Variants in TYSND1 observed in about 807,000 individuals in gnomAD.
TYSND1 encodes the protein peroxisomal leader peptide-processing protease.
Under a neutral mutation model 37.2 loss-of-function variants are expected in TYSND1, and 30 were observed. The ratio of observed to expected loss-of-function variants is 0.81; its 90% CI spans 0.60 to 1.09. The LOEUF (loss-of-function observed/expected upper bound fraction) is 1.09. Ranked by LOEUF, TYSND1 falls within the 50% of genes least tolerant of loss-of-function variation. The pLI is 0.00. For synonymous variants in TYSND1, 364 were observed against 383.8 expected, an observed-to-expected ratio of 0.95 and a Z score of 0.60; for missense variants, 806 against 817.4, an observed-to-expected ratio of 0.99 and a Z score of 0.17.
intron 3 of TYSND1, 31 bp from the exon 4 acceptor site, chr10:70,140,172 G>A (rs78543871): frequency 0.021 from 32,694 of 1,553,688 alleles, 738 homozygotes; most frequent in East Asian, 0.12. Flanking sequence ...AAAAGAGGAT[G>A]TGAGCCAGGG....
rs1839240187 is a variant in TYSND1, at chr10:70,146,574, A to G, written c.13T>C (p.Trp5Arg). The G allele has an allele frequency of 6.4e-7, 1 of 1,564,372 alleles. No individual in the cohort carries two copies. Among genetic ancestry groups the G allele is most frequent in the African/African-American group, 1.4e-5 (1 of 72,506 alleles). ...TCGGCCGCCCTCATGGCAGACCCCC[A>G]CTGCCTTCTCATGGCCTCTAGGCCG... Reference protein sequence around the residue: MRRQWGSAMRAAEQA... With the variant: MRRQRGSAMRAAEQA... The change falls in exon 1 of 4, where the codon TGG becomes CGG. Residue 5 changes from tryptophan to arginine, a missense_variant. This residue lies in a region of TYSND1 where 84 missense variants were observed against 79.0 expected (regional missense o/e 1.06). Transcript: ENST00000287078.
chr10:70,146,013 G>C lies in TYSND1; in HGVS notation c.574C>G (p.Leu192Val). 6.3e-7 allele frequency: 1 copy of C among 1,596,498 alleles called. No individual in the cohort carries two copies. The highest frequency in any genetic ancestry group is 1.1e-5 in the South Asian group (1 of 88,140). ...TCCTCCTCCACCTCCTCCTGGCCTAGCCGCACGCCCAGCAGCGCAAACCAG... is the reference window on the plus strand; with the variant it reads ...TCCTCCTCCACCTCCTCCTGGCCTACCCGCACGCCCAGCAGCGCAAACCAG... ...LGWFALLGVR[L>V]GQEEVEEERG... The change falls in exon 1 of 4, where the codon CTA (leucine) becomes GTA (valine). Residue 192 changes from leucine to valine, a missense_variant. By Grantham distance (32) the Leu-to-Val change is conservative (BLOSUM62 1). This residue lies in a region of TYSND1 where 708 missense variants were observed against 705.4 expected (regional missense o/e 1.00). Coordinates refer to ENST00000287078, the MANE Select transcript of TYSND1 (RefSeq NM_173555.4).
chr10:70,139,463 G>A lies in TYSND1; in HGVS notation c.*461C>T, dbSNP rs1317167460. 1 of 155,112 alleles carries A rather than the reference G, an allele frequency of 6.4e-6. No homozygotes were observed. The highest frequency in any genetic ancestry group is 2.4e-5 in the African/African-American group (1 of 41,502). The allele number at this position is 155,112 out of a possible 1,614,324, so 9.6% of individuals were successfully genotyped here. A position where few individuals can be genotyped will look rare whatever the true frequency, so the allele number is the denominator to read the frequency against. On this transcript the variant is annotated 3_prime_UTR_variant, in exon 4 of 4. Transcript: ENST00000287078. ...AGCAAGGTTTCTGCTGAGATGCTAA[G>A]GAAGCTGAGTCCTTTGTCAGCCCTG...
At position 70,145,993 on chromosome 10, in the gene TYSND1, C is replaced by G. The variant is rs1564565318; in HGVS notation, c.594G>C (p.Glu198Asp). 1 of 1,582,184 alleles carries G rather than the reference C, an allele frequency of 6.3e-7. No individual in the cohort carries two copies. The highest frequency in any genetic ancestry group is 8.6e-7 in the Non-Finnish European group (1 of 1,165,596). ...LGVRLGQEEV[E>D]EERGPAMAVS... The stretch of plus-strand genomic sequence containing the variant: ...CCGCCATGGCTGGCCCGCGCTCCTC[C>G]TCCACCTCCTCCTGGCCTAGCCGCA... Residue 198 changes from glutamate to aspartate, a missense_variant, in exon 1 of 4, where the codon GAG (glutamate) becomes GAC (aspartate). Glu to Asp is a conservative substitution (Grantham distance 45, BLOSUM62 2). Around this residue, in one of 3 missense-constraint regions of TYSND1, gnomAD observed 708 missense variants for 705.4 expected, o/e 1.00. Coordinates refer to ENST00000287078, the MANE Select transcript of TYSND1 (RefSeq NM_173555.4).
At chr10:70,144,198 T>C in intron 1 of TYSND1, 1 of 561,176 alleles carries the variant, frequency 1.8e-6, no homozygotes, top group Non-Finnish European at 3.1e-6. Context: ...ATAATCAACC[T>C]GACACTTAGT....
intron 3 of TYSND1, 58 bp downstream of exon 3, chr10:70,142,610 G>C (rs2072798030): frequency 1.4e-6 from 2 of 1,466,312 alleles, no homozygotes; most frequent in South Asian, 2.6e-5. Flanking sequence ...AGCACTCATG[G>C]GGTGGGACTG....
In TYSND1 at chr10:70,146,298, C is replaced by T; in HGVS notation, c.289G>A (p.Gly97Ser). 1.3e-6 allele frequency: 2 copies of T among 1,482,156 alleles called. No homozygotes were observed. Among genetic ancestry groups the T allele is most frequent in the South Asian group, 1.3e-5 (1 of 75,494 alleles). 91.8% of individuals were successfully genotyped at this position (1,482,156 alleles called of 1,614,324 possible). A position where few individuals can be genotyped will look rare whatever the true frequency, so the allele number is the denominator to read the frequency against. The change falls in exon 1 of 4, where the codon GGC (glycine) becomes AGC (serine). Residue 97 changes from glycine to serine, a missense_variant. Coordinates refer to ENST00000287078, the MANE Select transcript of TYSND1 (RefSeq NM_173555.4). ...AGCCCTGGGCGGCCCCGCTCCGCGC[C>T]GCCCCCGGGACCCGCGGCCGTTGGG... ...WAPTAAGPGGGAERGRPGLCT... is the reference protein window; with the variant it reads ...WAPTAAGPGGSAERGRPGLCT...
At position 70,142,806 on chromosome 10, in the gene TYSND1, C is replaced by T. The variant is rs200161127; in HGVS notation, c.1345G>A (p.Gly449Arg). Residue 449 changes from glycine (G) to arginine (R), a missense_variant, in exon 3 of 4, where the codon GGG becomes AGG. By Grantham distance (125) the Gly-to-Arg change is moderately radical. Around this residue, in one of 3 missense-constraint regions of TYSND1, gnomAD observed 708 missense variants for 705.4 expected, o/e 1.00. Transcript: ENST00000287078. ...AGGATGCCTGAGGTCACCGAGGGCC[C>T]GCAAGACTGGCCAAAGACGCCAAAG... ...VGFGVFGQSC[G>R]PSVTSGILSA... The T allele has an allele frequency of 3.7e-6, 6 of 1,614,070 alleles. No individual in the cohort carries two copies. In the South Asian group the frequency reaches 5.5e-5, roughly 15 times the overall value.
rs1209305184 is a variant in TYSND1, at chr10:70,139,833, T to C, written c.*91A>G. ...AGGCAGCCTGGGCCCCTGCAGGGGC[T>C]GGGCCCTGAATCCTGAGGCCACCGT... On this transcript the variant is annotated 3_prime_UTR_variant, in exon 4 of 4. Coordinates refer to ENST00000287078, the MANE Select transcript of TYSND1 (RefSeq NM_173555.4). 12 of 1,312,620 alleles carry C rather than the reference T, an allele frequency of 9.1e-6. No homozygotes were observed. The highest frequency in any genetic ancestry group is 2.9e-5 in the African/African-American group (2 of 68,828). The allele number at this position is 1,312,620 out of a possible 1,614,324, so 81.3% of individuals were successfully genotyped here.
chr10:70,143,581 G>T (rs968929489), intron 2 of TYSND1, among the ~76,000 whole-genome samples: 4 of 152,170 alleles, frequency 2.6e-5, no homozygotes, highest in Admixed American at 2.0e-4. Flanking sequence ...ATGCCTCTCT[G>T]ACCAGCCTGA....
chr10:70,146,098 G>C lies in TYSND1; in HGVS notation c.489C>G (p.Ser163Arg). The C allele has an allele frequency of 6.3e-7, 1 of 1,575,682 alleles. No individual in the cohort carries two copies. ...DEAAEQWRFS[S>R]AARDDEVSED... is the part of the protein sequence containing the mutation. ...CCGACACTTCGTCATCCCGCGCCGCGCTCGAGAAGCGCCACTGTTCCGCTG... is the reference window on the plus strand; with the variant it reads ...CCGACACTTCGTCATCCCGCGCCGCCCTCGAGAAGCGCCACTGTTCCGCTG... Residue 163 changes from serine to arginine, a missense_variant, in exon 1 of 4, where the codon AGC becomes AGG. Physicochemically the swap from Ser to Arg is moderately radical, Grantham distance 110 (BLOSUM62 -1). This residue lies in a region of TYSND1 where 708 missense variants were observed against 705.4 expected (regional missense o/e 1.00). Coordinates refer to ENST00000287078, the MANE Select transcript of TYSND1 (RefSeq NM_173555.4).
intron 1 of TYSND1, chr10:70,144,178 C>T (rs1351755882): frequency 4.8e-6 from 3 of 625,728 alleles, no homozygotes; most frequent in Non-Finnish European, 8.0e-6. Context: ...CTAAAGCTTC[C>T]TGTACCTGAA....
chr10:70,139,101 G>GACA lies in TYSND1; in HGVS notation c.*822_*823insTGT, dbSNP rs1260539570. The stretch of plus-strand genomic sequence containing the variant: ...GAGAGAGCAAGACCACAGCTCTAAA[G>GACA]AAAAAAAAAAAAAAAAAAGGAAAGG... On this transcript the variant is annotated 3_prime_UTR_variant, in exon 4 of 4. Coordinates refer to ENST00000287078, the MANE Select transcript of TYSND1 (RefSeq NM_173555.4). 1 of 103,908 alleles carries GACA rather than the reference G, an allele frequency of 9.6e-6. No individual in the cohort carries two copies. The highest frequency in any genetic ancestry group is 4.0e-5 in the African/African-American group (1 of 24,962). The allele number at this position is 103,908 out of a possible 1,614,324, so 6.4% of individuals were successfully genotyped here.
rs2072710473 is a variant in TYSND1, at chr10:70,138,793, C to T, written c.*1131G>A. 6.6e-6 allele frequency: 1 copy of T among 152,352 alleles called. No individual in the cohort carries two copies. Among genetic ancestry groups the T allele is most frequent in the East Asian group, 1.9e-4 (1 of 5,202 alleles). The allele number at this position is 152,352 out of a possible 1,614,324, so 9.4% of individuals were successfully genotyped here. A position where few individuals can be genotyped will look rare whatever the true frequency, so the allele number is the denominator to read the frequency against. On this transcript the variant is annotated 3_prime_UTR_variant, in exon 4 of 4. Transcript: ENST00000287078. ...GTGAGCTCACACCCTGCTGAGAAAA[C>T]AGCACAGAAAGGGTGTATTTCTGGG...
intron 3 of TYSND1, among the ~76,000 whole-genome samples, chr10:70,142,142 T>C (rs1202116458): frequency 6.6e-6 from 1 of 152,214 alleles, no homozygotes; most frequent in African/African-American, 2.4e-5. Flanking sequence ...CAGACTGTTT[T>C]TTAAAAACCT....
rs958842375 is a variant in TYSND1 at position 70,143,953 on chromosome 10, G to A, written c.1186C>T (p.Arg396Cys). Reference protein sequence around the residue: ...TTPKSVAIWGRVVFATQETCP... With the variant: ...TTPKSVAIWGCVVFATQETCP... Reference sequence around the variant, plus strand: ...GTCTCCTGAGTGGCAAATACCACACGGCCCCAGATGGCCACACTCCTGGGA... The same window carrying A: ...GTCTCCTGAGTGGCAAATACCACACAGCCCCAGATGGCCACACTCCTGGGA... The change falls in exon 2 of 4, where the codon CGT becomes TGT. Residue 396 changes from arginine (R) to cysteine (C), a missense_variant. By Grantham distance (180) the Arg-to-Cys change is radical. Transcript: ENST00000287078. 9 of 1,614,048 alleles carry A rather than the reference G, an allele frequency of 5.6e-6. No individual in the cohort carries two copies. The highest frequency in any genetic ancestry group is 5.3e-5 in the African/African-American group (4 of 74,926).
At position 70,138,525 on chromosome 10, in the gene TYSND1, G is replaced by A. The variant is rs754447096; in HGVS notation, c.*1399C>T. On this transcript the variant is annotated 3_prime_UTR_variant, in exon 4 of 4. Coordinates refer to ENST00000287078, the MANE Select transcript of TYSND1 (RefSeq NM_173555.4). Reference sequence around the variant, plus strand: ...TTCAGCCTGCCAGTAGAAATCACTCGAGGGCCCACACATGCAAGGCCCTGG... The same window carrying A: ...TTCAGCCTGCCAGTAGAAATCACTCAAGGGCCCACACATGCAAGGCCCTGG... The A allele has an allele frequency of 2.6e-5, 4 of 152,360 alleles. No individual in the cohort carries two copies. Among genetic ancestry groups the A allele is most frequent in the African/African-American group, 4.8e-5 (2 of 41,444 alleles). 9.4% of individuals were successfully genotyped at this position (152,360 alleles called of 1,614,324 possible). A position where few individuals can be genotyped will look rare whatever the true frequency, so the allele number is the denominator to read the frequency against.
rs573577892 is a variant in TYSND1 at position 70,142,852 on chromosome 10, G to A, written c.1299C>T (p.Gly433=). 25 of 1,612,696 alleles carry A rather than the reference G, an allele frequency of 1.6e-5. No homozygotes were observed. In the Admixed American group the frequency reaches 1.7e-4, roughly 11 times the overall value. The change falls in exon 3 of 4, where the codon GGC becomes GGT. Residue 433 remains glycine, a splice_region_variant and synonymous_variant. Transcript: ENST00000287078. The stretch of plus-strand genomic sequence containing the variant: ...CAAAGCCCACCACACTCACAGCCTC[G>A]CCTGCCAGGGAAGGAAGGAGGGTGA... The part of the protein sequence containing the change: ...IPVPAEHFHE[G]EAVSVVGFGV...
At chr10:70,142,914 C>T in intron 2 of TYSND1, 61 bp from the exon 3 acceptor site, 1 of 1,562,712 alleles carries the variant, frequency 6.4e-7, no homozygotes, top group East Asian at 2.3e-5. Context: ...GACTCACACT[C>T]CCTAACTCCC....
Sources: allele counts gnomAD v4.1 joint callset (sites outside exome capture counted in the v4.1 genomes callset), GRCh38; gene constraint gnomAD v4.1.1; regional missense constraint gnomAD v4.1.1; transcripts MANE v1.5; gene names NCBI Gene and HGNC (gene_info 2026-07-23, HGNC 2026-07-21).